The following VEPH1 variants were observed in gnomAD, a reference collection of about 807,000 sequenced individuals.
VEPH1 encodes ventricular zone-expressed PH domain-containing protein homolog 1.
VEPH1 carries 80 observed loss-of-function variants against 85.2 expected under a neutral mutation model. The ratio of observed to expected loss-of-function variants is 0.94; its 90% CI spans 0.78 to 1.13. VEPH1 has a LOEUF of 1.13. Ranked by LOEUF, VEPH1 falls within the 50% of genes most tolerant of loss-of-function variation. The pLI, the probability that VEPH1 is intolerant of heterozygous loss-of-function variation, is 0.00. For missense variants in VEPH1, 955 were observed against 980.5 expected (o/e 0.97, Z 0.35); for synonymous variants, 297 against 348.0 (o/e 0.85, Z 1.63).
chr3:157,323,851 G>A (rs1721613828), intron 9 of VEPH1, among the ~76,000 whole-genome samples: 1 of 152,112 alleles, frequency 6.6e-6, no homozygotes, highest in Non-Finnish European at 1.5e-5. Flanking sequence ...AAAAGCATAA[G>A]AAAAGGTCTG....
intron 4 of VEPH1, among the ~76,000 whole-genome samples, chr3:157,444,211 T>A (rs1734366881): frequency 6.6e-6 from 1 of 152,152 alleles, no homozygotes; most frequent in Non-Finnish European, 1.5e-5. Flanking sequence ...AGTGATGATA[T>A]GTCCTCTGAA....
chr3:157,283,078 T>C (rs1716346723), intron 12 of VEPH1, among the ~76,000 whole-genome samples: 1 of 152,226 alleles, frequency 6.6e-6, no homozygotes, highest in South Asian at 2.1e-4. Context: ...CTGTTCTTCT[T>C]TAAGTAGAGT....
At chr3:157,437,783 T>C (rs945858291) in intron 4 of VEPH1, 32 of 1,472,786 alleles carry the variant, frequency 2.2e-5, no homozygotes, top group Non-Finnish European at 2.3e-5. Context: ...CTGGCGCGTA[T>C]GGAGGGCGCG....
At position 157,363,434 on chromosome 3, in the gene VEPH1, G is replaced by A. The variant is rs1335078992; in HGVS notation, c.1665C>T (p.Leu555=). The A allele has an allele frequency of 1.2e-6, 2 of 1,613,426 alleles. No individual in the cohort carries two copies. The highest frequency in any genetic ancestry group is 1.7e-6 in the Non-Finnish European group (2 of 1,179,836). ...DKLYLHLKKN[L]SKVKAYAMEI... is the part of the protein sequence containing the mutation. ...CCATGGCATATGCTTTCACTTTGCTGAGGTTTTTTTTTAAGTGCAAGTAGA... is the reference window on the plus strand; with the variant it reads ...CCATGGCATATGCTTTCACTTTGCTAAGGTTTTTTTTTAAGTGCAAGTAGA... Residue 555 remains leucine, a synonymous_variant, in exon 9 of 14, where the codon CTC becomes CTT. Transcript: ENST00000362010.
intron 12 of VEPH1, among the ~76,000 whole-genome samples, chr3:157,272,225 G>A (rs1009824001): frequency 2.1e-5 from 3 of 143,188 alleles, no homozygotes; most frequent in African/African-American, 7.5e-5. Flanking sequence ...TTTCCTGGGT[G>A]TTTGTCTCTT....
At chr3:157,367,850 G>A (rs1211673263) in intron 7 of VEPH1, among the ~76,000 whole-genome samples, 7 of 152,002 alleles carry the variant, frequency 4.6e-5, no homozygotes. Flanking sequence ...AATTGTTAGA[G>A]GAAAATTTCT....
intron 4 of VEPH1, among the ~76,000 whole-genome samples, chr3:157,431,057 G>A (rs1025832060): frequency 6.6e-6 from 1 of 152,098 alleles, no homozygotes; most frequent in African/African-American, 2.4e-5. Context: ...GTCAAGGGAG[G>A]GACCTGGTGG....
intron 9 of VEPH1, among the ~76,000 whole-genome samples, chr3:157,318,627 AAAAAAAAAGAAAGAAAG>A: frequency 1.1e-5 from 1 of 91,644 alleles, no homozygotes; most frequent in East Asian, 4.0e-4. Context: ...AACAAAACAA[AAAAAAAAAGAAAGAAAG>A]AAAGAAAGAA....
chr3:157,335,494 A>G (rs967064588), intron 9 of VEPH1, among the ~76,000 whole-genome samples: 1 of 152,212 alleles, frequency 6.6e-6, no homozygotes. Flanking sequence ...AAGGAGAACA[A>G]CAAAGAGAGG....
intron 7 of VEPH1, among the ~76,000 whole-genome samples, chr3:157,368,873 A>G (rs1727064166): frequency 1.3e-5 from 2 of 152,234 alleles, no homozygotes; most frequent in South Asian, 4.1e-4. Flanking sequence ...TTATTATACT[A>G]AAAATACTAA....
chr3:157,481,433 AACACACAC>A (rs1177654727), intron 2 of VEPH1, among the ~76,000 whole-genome samples: 1 of 38,670 alleles, frequency 2.6e-5, no homozygotes, highest in African/African-American at 1.3e-4. Flanking sequence ...TATGGAACCA[AACACACAC>A]ACACACACAC....
chr3:157,413,007 T>C (rs919922782), intron 6 of VEPH1, among the ~76,000 whole-genome samples: 2 of 152,204 alleles, frequency 1.3e-5, no homozygotes, highest in African/African-American at 4.8e-5. Flanking sequence ...TTTTGTCTTA[T>C]GCAGAATCAA....
At chr3:157,287,381 T>A (rs181488642) in intron 11 of VEPH1, among the ~76,000 whole-genome samples, 97 of 149,404 alleles carry the variant, frequency 6.5e-4, no homozygotes, top group African/African-American at 1.9e-3. Flanking sequence ...TCTCAAAAAA[T>A]ATATATATAT....
intron 6 of VEPH1, among the ~76,000 whole-genome samples, chr3:157,382,974 G>T (rs1728931019): frequency 6.6e-6 from 1 of 152,050 alleles, no homozygotes; most frequent in Non-Finnish European, 1.5e-5. Flanking sequence ...TGCACCACAG[G>T]TGTGTGCCAC....
At chr3:157,368,351 A>G (rs2108794967) in intron 7 of VEPH1, among the ~76,000 whole-genome samples, 1 of 152,254 alleles carries the variant, frequency 6.6e-6, no homozygotes, top group South Asian at 2.1e-4. Context: ...TTATAGCATT[A>G]CTCTGATGAG....
At chr3:157,347,938 G>A (rs1405159666) in intron 9 of VEPH1, among the ~76,000 whole-genome samples, 2 of 152,194 alleles carry the variant, frequency 1.3e-5, no homozygotes, top group South Asian at 2.1e-4. Flanking sequence ...GCCGCTGGGC[G>A]CCACGTTGAG....
intron 4 of VEPH1, among the ~76,000 whole-genome samples, chr3:157,440,529 T>C (rs1243959778): frequency 6.6e-6 from 1 of 152,158 alleles, no homozygotes; most frequent in Non-Finnish European, 1.5e-5. Context: ...ATATCTTCTT[T>C]AGGTTGTTAT....
chr3:157,382,347 C>T (rs1728872727), intron 6 of VEPH1, among the ~76,000 whole-genome samples: 1 of 152,084 alleles, frequency 6.6e-6, no homozygotes. Flanking sequence ...ATCTCTTATA[C>T]CTATTAAAAC....
At chr3:157,437,180 T>C in intron 4 of VEPH1, 1 of 1,366,802 alleles carries the variant, frequency 7.3e-7, no homozygotes, top group East Asian at 2.3e-5. Context: ...TAGCTTGTTA[T>C]GCAAAAGTGA....
Sources: gnomAD v4.1 joint callset for allele counts (sites outside exome capture counted in the v4.1 genomes callset) on GRCh38, gnomAD v4.1.1 for gene constraint, MANE v1.5 for transcripts, NCBI Gene and HGNC (gene_info 2026-07-23, HGNC 2026-07-21) for gene names.